DSCAML1: variants seen among roughly 807,000 people sequenced by gnomAD.
The protein encoded by DSCAML1 is cell adhesion molecule DSCAML1.
A neutral mutation model predicts 200.5 loss-of-function variants in DSCAML1; 38 were observed. That is an observed-to-expected ratio of 0.19 (90% CI 0.15 to 0.25). The LOEUF is 0.25. Ranked by LOEUF, DSCAML1 falls within the 10% of genes least tolerant of loss-of-function variation. DSCAML1 has a pLI of 1.00. For missense variants in DSCAML1, 2,223 were observed against 2,858.8 expected, an observed-to-expected ratio of 0.78 and a Z score of 5.07; for synonymous variants, 1,215 against 1,165.0, an observed-to-expected ratio of 1.04 and a Z score of -0.87.
intron 3 of DSCAML1, among the ~76,000 whole-genome samples, chr11:117,650,400 TGTTA>T (rs1272816957): frequency 1.3e-5 from 2 of 151,798 alleles, no homozygotes; most frequent in Non-Finnish European, 2.9e-5. Context: ...ACTCCACAGA[TGTTA>T]GTTGAAGAAA....
intron 4 of DSCAML1, among the ~76,000 whole-genome samples, chr11:117,526,865 T>C (rs1181614301): frequency 6.6e-6 from 1 of 152,064 alleles, no homozygotes; most frequent in South Asian, 2.1e-4. Flanking sequence ...AGGTCAGGCA[T>C]AGTAGCTCAT....
intron 3 of DSCAML1, among the ~76,000 whole-genome samples, chr11:117,654,063 C>A (rs1445590154): frequency 6.6e-6 from 1 of 152,170 alleles, no homozygotes; most frequent in Non-Finnish European, 1.5e-5. Flanking sequence ...GCCTTCAAAA[C>A]ATTATGCTAA....
intron 3 of DSCAML1, among the ~76,000 whole-genome samples, chr11:117,767,753 C>T (rs753367259): frequency 6.6e-6 from 1 of 152,206 alleles, no homozygotes; most frequent in African/African-American, 2.4e-5. Context: ...GGTACAGAAG[C>T]TCTGGTCCAT....
At chr11:117,727,583 C>T (rs1208073023) in intron 3 of DSCAML1, among the ~76,000 whole-genome samples, 1 of 152,154 alleles carries the variant, frequency 6.6e-6, no homozygotes, top group Non-Finnish European at 1.5e-5. Flanking sequence ...CACCAGAGCC[C>T]AGCAATGCAA....
chr11:117,810,002 C>G (rs1398047083), intron 1 of DSCAML1, among the ~76,000 whole-genome samples: 1 of 149,214 alleles, frequency 6.7e-6, no homozygotes, highest in Non-Finnish European at 1.5e-5. Flanking sequence ...CACATACACA[C>G]ATTCCCACAC....
intron 5 of DSCAML1, among the ~76,000 whole-genome samples, chr11:117,522,538 G>A (rs1412257738): frequency 6.6e-6 from 1 of 152,242 alleles, no homozygotes; most frequent in Non-Finnish European, 1.5e-5. Flanking sequence ...TACCCCAAGT[G>A]AGGAAGCCTG....
chr11:117,654,937 G>A, intron 3 of DSCAML1, among the ~76,000 whole-genome samples: 1 of 152,196 alleles, frequency 6.6e-6, no homozygotes, highest in South Asian at 2.1e-4. Flanking sequence ...GTAAAATATA[G>A]AATCAGACAC....
intron 3 of DSCAML1, among the ~76,000 whole-genome samples, chr11:117,768,846 T>C (rs2054944855): frequency 1.3e-5 from 2 of 151,880 alleles, no homozygotes; most frequent in Non-Finnish European, 2.9e-5. Context: ...TTACCCAACT[T>C]TCTGTGGATT....
intron 2 of DSCAML1, among the ~76,000 whole-genome samples, chr11:117,778,544 G>A (rs1258383644): frequency 2.0e-5 from 3 of 152,342 alleles, no homozygotes; most frequent in South Asian, 2.1e-4. Context: ...TAAGAGCAGC[G>A]TATAAAAGGC....
At chr11:117,702,108 T>C (rs1473474629) in intron 3 of DSCAML1, among the ~76,000 whole-genome samples, 1 of 152,196 alleles carries the variant, frequency 6.6e-6, no homozygotes, top group African/African-American at 2.4e-5. Flanking sequence ...CTTCCCTGCG[T>C]GGCTCCCCAG....
At chr11:117,562,565 G>A (rs912398766) in intron 3 of DSCAML1, among the ~76,000 whole-genome samples, 1 of 152,218 alleles carries the variant, frequency 6.6e-6, no homozygotes, top group Non-Finnish European at 1.5e-5. Context: ...GAGGCCCAAG[G>A]TTAAAGAAGC....
chr11:117,436,111 T>C (rs2047910100), intron 26 of DSCAML1, among the ~76,000 whole-genome samples: 2 of 152,212 alleles, frequency 1.3e-5, no homozygotes, highest in Admixed American at 6.5e-5. Flanking sequence ...AGAGAGTGGA[T>C]TGATGGGCTT....
intron 3 of DSCAML1, among the ~76,000 whole-genome samples, chr11:117,685,354 T>G (rs2053386450): frequency 6.6e-6 from 1 of 152,166 alleles, no homozygotes; most frequent in African/African-American, 2.4e-5. Flanking sequence ...TATCTTCATG[T>G]CTCCACCCTT....
chr11:117,731,731 A>G (rs562113066), intron 3 of DSCAML1, among the ~76,000 whole-genome samples: 33 of 152,296 alleles, frequency 2.2e-4, no homozygotes, highest in African/African-American at 7.2e-4. Context: ...ATAGCTTTTA[A>G]GTTCCTTTAG....
chr11:117,805,933 G>A (rs949029809), intron 1 of DSCAML1, among the ~76,000 whole-genome samples: 1 of 152,188 alleles, frequency 6.6e-6, no homozygotes, highest in African/African-American at 2.4e-5. Context: ...GGAAACAGTG[G>A]CTGGCAGGTG....
intron 3 of DSCAML1, among the ~76,000 whole-genome samples, chr11:117,727,278 C>T (rs1591445609): frequency 6.6e-6 from 1 of 152,270 alleles, no homozygotes; most frequent in East Asian, 1.9e-4. Context: ...GTTAATTAGT[C>T]CCGTGAATCA....
intron 4 of DSCAML1, among the ~76,000 whole-genome samples, chr11:117,525,414 G>T (rs1186092477): frequency 6.6e-6 from 1 of 152,082 alleles, no homozygotes; most frequent in African/African-American, 2.4e-5. Context: ...TGCAGGGAGG[G>T]AGAGGGTGTG....
intron 19 of DSCAML1, among the ~76,000 whole-genome samples, chr11:117,452,379 A>G (rs2048299692): frequency 1.3e-5 from 2 of 152,332 alleles, no homozygotes; most frequent in South Asian, 2.1e-4. Flanking sequence ...CTTTATCTCT[A>G]CAAATTCTTT....
At chr11:117,598,145 CCTCCCTCCCTT>C (rs1173901424) in intron 3 of DSCAML1, among the ~76,000 whole-genome samples, 2 of 152,206 alleles carry the variant, frequency 1.3e-5, no homozygotes, top group East Asian at 3.8e-4. Context: ...CTCCAGCTCT[CCTCCCTCCCTT>C]CTCCTCCACT....
Sources: gnomAD v4.1 joint callset for allele counts (sites outside exome capture counted in the v4.1 genomes callset) on GRCh38, gnomAD v4.1.1 for gene constraint, MANE v1.5 for transcripts, NCBI Gene and HGNC (gene_info 2026-07-23, HGNC 2026-07-21) for gene names.